Variants in SLC39A10 observed in about 807,000 individuals in gnomAD.
SLC39A10 encodes the protein zinc transporter ZIP10.
Under a neutral mutation model 65.1 loss-of-function variants are expected in SLC39A10, and 13 were observed. That is an observed-to-expected ratio of 0.20 (90% CI 0.13 to 0.32). SLC39A10 has a LOEUF of 0.32. Ranked by LOEUF, SLC39A10 falls within the 10% of genes least tolerant of loss-of-function variation. The pLI, the probability that SLC39A10 is intolerant of heterozygous loss-of-function variation, is 1.00. For missense variants in SLC39A10, 831 were observed against 1,018.4 expected (o/e 0.82, Z 2.50); for synonymous variants, 321 against 342.2 (o/e 0.94, Z 0.68).
At chr2:195,644,660 C>T (rs1688875563) in intron 2 of SLC39A10, among the ~76,000 whole-genome samples, 1 of 151,680 alleles carries the variant, frequency 6.6e-6, no homozygotes, top group African/African-American at 2.4e-5. Flanking sequence ...AAAAAAATAG[C>T]TGCGTGTGGT....
Position 195,725,241 on chromosome 2 carries a change from C to T in SLC39A10, c.2147-2918C>T, listed in dbSNP as rs373119002. 9.9e-4 allele frequency among the ~76,000 whole-genome samples: 150 copies of T among 152,202 alleles called. 7 individuals are homozygous for T. In the South Asian group the frequency reaches 0.031, roughly 31 times the overall value. On this transcript the variant is annotated intron_variant, in intron 8 of 9. Coordinates refer to ENST00000359634, the MANE Select transcript of SLC39A10 (RefSeq NM_020342.3). ...AGGCAAAGTATTCTTAGATACAGCA[C>T]TAAGCATACTCCATTAAGGAAAACA...
intron 7 of SLC39A10, 177 bp downstream of exon 7, chr2:195,717,182 G>C (rs937914882): frequency 4.2e-6 from 3 of 719,438 alleles, no homozygotes; most frequent in Non-Finnish European, 4.3e-6. Flanking sequence ...GTATAATTTA[G>C]TGGGGTTTTT....
intron 2 of SLC39A10, among the ~76,000 whole-genome samples, chr2:195,644,899 T>TTTAC (rs1193639861): frequency 2.7e-5 from 4 of 150,000 alleles, no homozygotes; most frequent in African/African-American, 9.8e-5. Context: ...ACTTTATTTA[T>TTTAC]TTATTTATTT....
intron 3 of SLC39A10, among the ~76,000 whole-genome samples, chr2:195,696,512 A>C (rs1045936745): frequency 6.6e-6 from 1 of 152,154 alleles, no homozygotes; most frequent in African/African-American, 2.4e-5. Flanking sequence ...AGAGTAAAAA[A>C]ATAACACAAA....
At chr2:195,674,729 C>A in intron 1 of SLC39A10, 1 of 832,836 alleles carries the variant, frequency 1.2e-6, no homozygotes, top group Non-Finnish European at 1.4e-6. Context: ...GTGTGAACAT[C>A]ATAGAGTATA....
chr2:195,631,411 G>A (rs1688583905), intron 2 of SLC39A10, among the ~76,000 whole-genome samples: 1 of 151,856 alleles, frequency 6.6e-6, no homozygotes, highest in Non-Finnish European at 1.5e-5. Flanking sequence ...CCATAATGTA[G>A]AGTTGTTGAT....
At chr2:195,714,766 T>G (rs1457366664) in intron 6 of SLC39A10, among the ~76,000 whole-genome samples, 2 of 152,222 alleles carry the variant, frequency 1.3e-5, no homozygotes, top group Non-Finnish European at 2.9e-5. Context: ...ACAAACCTTT[T>G]TTTTGAGACG....
intron 1 of SLC39A10, among the ~76,000 whole-genome samples, chr2:195,661,182 A>T (rs182146059): frequency 6.6e-6 from 1 of 152,176 alleles, no homozygotes; most frequent in East Asian, 1.9e-4. Context: ...GTCAATGCAA[A>T]CTCTTAAGGT....
intron 1 of SLC39A10, among the ~76,000 whole-genome samples, chr2:195,670,730 T>G (rs1484231327): frequency 6.6e-6 from 1 of 152,184 alleles, no homozygotes; most frequent in African/African-American, 2.4e-5. Context: ...TTGGGAAAAG[T>G]TGGGGAAAGA....
At chr2:195,659,764 C>G (rs1689309607) in intron 1 of SLC39A10, among the ~76,000 whole-genome samples, 1 of 152,142 alleles carries the variant, frequency 6.6e-6, no homozygotes, top group African/African-American at 2.4e-5. Flanking sequence ...AACCAAAAGG[C>G]TGAAGATGAT....
intron 2 of SLC39A10, among the ~76,000 whole-genome samples, chr2:195,622,258 T>C (rs1371700399): frequency 6.6e-6 from 1 of 151,912 alleles, no homozygotes; most frequent in African/African-American, 2.4e-5. Flanking sequence ...CCCAGCTATA[T>C]GGGAGGCTGA....
rs183542143 is a variant in SLC39A10, at chr2:195,712,485, C to T, written c.1576-948C>T. Among the ~76,000 whole-genome samples the T allele has an allele frequency of 2.0e-4, 31 of 152,342 alleles. No homozygotes were observed. In the East Asian group the frequency reaches 5.8e-3, roughly 28 times the overall value. On this transcript the variant is annotated intron_variant, in intron 5 of 9. Coordinates refer to ENST00000359634, the MANE Select transcript of SLC39A10 (RefSeq NM_020342.3). ...TTATGCAGCAGTTAGACGACTTAAA[C>T]ATCTGAAACATAGTTAACAGCCTAT...
Position 195,728,039 on chromosome 2 carries a change from A to G in SLC39A10, c.2147-120A>G. 1 of 906,524 alleles carries G rather than the reference A, an allele frequency of 1.1e-6. No individual in the cohort carries two copies. The highest frequency in any genetic ancestry group is 1.6e-6 in the Non-Finnish European group (1 of 613,914). The allele number at this position is 906,524 out of a possible 1,614,324, so 56.2% of individuals were successfully genotyped here. On this transcript the variant is annotated intron_variant, in intron 8 of 9. Coordinates refer to ENST00000359634, the MANE Select transcript of SLC39A10 (RefSeq NM_020342.3). This position sits in a 1 kb window ranked among gnomAD's most constrained non-coding sequence, Gnocchi z 4.4. ...ATAAGTAAAATATTTTATATATCAC[A>G]TAAAATACTGTTATTAAAAGTGTGT...
At chr2:195,660,481 C>G (rs1689347699) in intron 1 of SLC39A10, among the ~76,000 whole-genome samples, 1 of 152,126 alleles carries the variant, frequency 6.6e-6, no homozygotes, top group African/African-American at 2.4e-5. Context: ...TGATGCTGCC[C>G]CCTAGCGTTT....
At chr2:195,695,236 C>G (rs929395397) in intron 3 of SLC39A10, among the ~76,000 whole-genome samples, 1 of 152,202 alleles carries the variant, frequency 6.6e-6, no homozygotes, top group Non-Finnish European at 1.5e-5. Context: ...TAGAGATAGG[C>G]ATGGCTGAGC....
At chr2:195,733,229 A>C (rs1692482365) in intron 9 of SLC39A10, among the ~76,000 whole-genome samples, 1 of 152,176 alleles carries the variant, frequency 6.6e-6, no homozygotes, top group African/African-American at 2.4e-5. Context: ...ACTGTTTTGG[A>C]GCAAAACGTA....
chr2:195,735,697 T>C lies in SLC39A10; in HGVS notation c.*656T>C, dbSNP rs1445475498. 1 of 152,608 alleles carries C rather than the reference T, an allele frequency of 6.6e-6. No individual in the cohort carries two copies. The highest frequency in any genetic ancestry group is 2.4e-5 in the African/African-American group (1 of 41,442). The allele number at this position is 152,608 out of a possible 1,614,324, so 9.5% of individuals were successfully genotyped here. On this transcript the variant is annotated 3_prime_UTR_variant, in exon 10 of 10. Coordinates refer to ENST00000359634, the MANE Select transcript of SLC39A10 (RefSeq NM_020342.3). ...CTACTGAAATTTGTGATTGTATGTT[T>C]GTGTGAGCTTCAGTTTAATGAAAGA... is the stretch of plus-strand genomic sequence containing the variant.
chr2:195,698,701 T>C (rs1364191894), intron 3 of SLC39A10, among the ~76,000 whole-genome samples: 1 of 151,992 alleles, frequency 6.6e-6, no homozygotes, highest in Non-Finnish European at 1.5e-5. Flanking sequence ...TGCTGGATTT[T>C]ATTTGCTAGT....
At chr2:195,675,975 A>C (rs1447903532) in intron 1 of SLC39A10, among the ~76,000 whole-genome samples, 1 of 151,912 alleles carries the variant, frequency 6.6e-6, no homozygotes, top group Non-Finnish European at 1.5e-5. Flanking sequence ...TTAGAGCCTT[A>C]TCTAGATTTG....
Sources: allele counts gnomAD v4.1 joint callset (sites outside exome capture counted in the v4.1 genomes callset), GRCh38; gene constraint gnomAD v4.1.1; non-coding constraint Gnocchi (gnomAD v3.1); transcripts MANE v1.5; gene names NCBI Gene and HGNC (gene_info 2026-07-23, HGNC 2026-07-21).